BIRC6: variants seen among roughly 807,000 people sequenced by gnomAD.
BIRC6 encodes the protein baculoviral IAP repeat containing 6.
Under a neutral mutation model 503.3 loss-of-function variants are expected in BIRC6, and 98 were observed. That is an observed-to-expected ratio of 0.19 (90% CI 0.17 to 0.23). The LOEUF is 0.23. Among genes scored for constraint, BIRC6 ranks in the 10% least tolerant of loss-of-function variants. The pLI is 1.00. For synonymous variants in BIRC6, 2,240 were observed against 2,078.7 expected, an observed-to-expected ratio of 1.08 and a Z score of -2.11; for missense variants, 5,360 against 5,806.0, an observed-to-expected ratio of 0.92 and a Z score of 2.50.
chr2:32,581,286 C>G (rs1199446936), intron 66 of BIRC6, among the ~76,000 whole-genome samples: 4 of 152,112 alleles, frequency 2.6e-5, no homozygotes, highest in African/African-American at 9.7e-5. Context: ...TGTGTCCTAT[C>G]TACCCAAATC....
chr2:32,375,095 G>C (rs1426438901), intron 1 of BIRC6, among the ~76,000 whole-genome samples: 1 of 152,080 alleles, frequency 6.6e-6, no homozygotes, highest in African/African-American at 2.4e-5. Flanking sequence ...GTATGTTTTA[G>C]AGCTATTGTA....
At chr2:32,598,670 C>T (rs1031845493) in intron 69 of BIRC6, among the ~76,000 whole-genome samples, 1 of 152,132 alleles carries the variant, frequency 6.6e-6, no homozygotes, top group African/African-American at 2.4e-5. Context: ...ATTCTGTCTT[C>T]CATAGATACG....
chr2:32,543,200 A>C, intron 61 of BIRC6, 41 bp from the exon 62 acceptor site: 5 of 1,574,100 alleles, frequency 3.2e-6, no homozygotes, highest in Non-Finnish European at 3.5e-6. Flanking sequence ...TCTGATGTTG[A>C]AAATGTGAAT....
In BIRC6 at chr2:32,611,513, G is replaced by A. The variant is rs773960842; in HGVS notation, c.14325G>A (p.Ala4775=). 2.1e-5 allele frequency: 34 copies of A among 1,610,728 alleles called. No homozygotes were observed. Among genetic ancestry groups the A allele is most frequent in the Non-Finnish European group, 2.5e-5 (30 of 1,178,088 alleles). Reference sequence around the variant, plus strand: ...TGGCCCAATGTGAGGAGTGGATTGCGGATATCCAGCAGTACAGCAGTGATA... The same window carrying A: ...TGGCCCAATGTGAGGAGTGGATTGCAGATATCCAGCAGTACAGCAGTGATA... ...EIMAQCEEWI[A]DIQQYSSDKR... Residue 4775 remains alanine (A), a synonymous_variant, in exon 73 of 74, where the codon GCG becomes GCA. Transcript: ENST00000421745.
At chr2:32,377,880 T>TA (rs1435651707) in intron 2 of BIRC6, 111 bp downstream of exon 2, 11 of 895,978 alleles carry the variant, frequency 1.2e-5, no homozygotes, top group Non-Finnish European at 1.8e-5. Context: ...TATATTGCTA[T>TA]AAAAACAATT....
In BIRC6 at chr2:32,515,613, T is replaced by C. The variant is rs371074328; in HGVS notation, c.11192T>C (p.Leu3731Ser). Residue 3731 changes from leucine (L) to serine (S), a missense_variant, in exon 55 of 74, where the codon TTA becomes TCA. Around this residue, in one of 16 missense-constraint regions of BIRC6, gnomAD observed 878 missense variants for 928.9 expected, o/e 0.95. Transcript: ENST00000421745. Reference sequence around the variant, plus strand: ...GGGTCCACTTCTGGAAGCCATAATTTAGGTGCACAACAGACCAGTGCAAGA... The same window carrying C: ...GGGTCCACTTCTGGAAGCCATAATTCAGGTGCACAACAGACCAGTGCAAGA... ...HSGSTSGSHN[L>S]GAQQTSARSA... 5 of 1,613,526 alleles carry C rather than the reference T, an allele frequency of 3.1e-6. No individual in the cohort carries two copies. The highest frequency in any genetic ancestry group is 4.2e-6 in the Non-Finnish European group (5 of 1,179,890).
intron 72 of BIRC6, among the ~76,000 whole-genome samples, chr2:32,609,266 G>A (rs1157839587): frequency 6.9e-6 from 1 of 145,654 alleles, no homozygotes; most frequent in African/African-American, 2.5e-5. Flanking sequence ...TTTTTTTCAC[G>A]TCATCCTGAA....
chr2:32,376,731 TTTC>T (rs1354524092), intron 1 of BIRC6, among the ~76,000 whole-genome samples: 2 of 152,210 alleles, frequency 1.3e-5, no homozygotes, highest in African/African-American at 2.4e-5. Context: ...TTAGCTGGGT[TTTC>T]TTCTTATGCA....
intron 16 of BIRC6, among the ~76,000 whole-genome samples, chr2:32,440,375 G>T (rs980678985): frequency 6.6e-6 from 1 of 152,166 alleles, no homozygotes; most frequent in Non-Finnish European, 1.5e-5. Context: ...AGAAAGAGAA[G>T]TTGGGGCGTA....
chr2:32,532,168 T>TGTGTGTGTGTGTGTGG (rs747473373), intron 61 of BIRC6: 15 of 531,664 alleles, frequency 2.8e-5, no homozygotes, highest in Non-Finnish European at 5.8e-5. Context: ...TGTGTGTGTG[T>TGTGTGTGTGTGTGTGG]GTGGTTATTT....
intron 9 of BIRC6, 144 bp from the exon 10 acceptor site, chr2:32,414,625 C>G: frequency 1.8e-6 from 1 of 567,120 alleles, no homozygotes. Flanking sequence ...CGAAATTGCA[C>G]CACTGCACTC....
At chr2:32,376,408 T>G (rs1409201419) in intron 1 of BIRC6, among the ~76,000 whole-genome samples, 2 of 152,192 alleles carry the variant, frequency 1.3e-5, no homozygotes, top group East Asian at 1.9e-4. Context: ...ATACTGTATT[T>G]TTTACATTTG....
intron 8 of BIRC6, among the ~76,000 whole-genome samples, chr2:32,402,989 A>T (rs1356965243): frequency 1.3e-5 from 2 of 152,228 alleles, no homozygotes; most frequent in East Asian, 1.9e-4. Flanking sequence ...TCTCAACATT[A>T]TATGGGGTAA....
chr2:32,558,701 C>T (rs2058951323), intron 65 of BIRC6: 1 of 152,128 alleles, frequency 6.6e-6, no homozygotes, highest in East Asian at 1.9e-4. Context: ...TTGCTTTAGT[C>T]CACAATAGTG....
intron 66 of BIRC6, among the ~76,000 whole-genome samples, chr2:32,586,267 TAAAAA>T (rs60753270): frequency 6.6e-6 from 1 of 150,636 alleles, no homozygotes; most frequent in African/African-American, 2.4e-5. Flanking sequence ...AAAAACAACT[TAAAAA>T]AAAATTATAA....
intron 38 of BIRC6, among the ~76,000 whole-genome samples, chr2:32,481,802 G>GTTTTCA (rs1426208910): frequency 6.6e-6 from 1 of 151,902 alleles, no homozygotes; most frequent in African/African-American, 2.4e-5. Flanking sequence ...TGAAAGGGAA[G>GTTTTCA]TTTTCAGTCT....
Position 32,439,578 on chromosome 2 carries a change from G to T in BIRC6, c.3702G>T (p.Glu1234Asp). Reference sequence around the variant, plus strand: ...CAGTGAATGAAAGAGGAACAGAAGAGATTTGTAATGGTGGTATGCGTCCTG... The same window carrying T: ...CAGTGAATGAAAGAGGAACAGAAGATATTTGTAATGGTGGTATGCGTCCTG... ...VKAVNERGTE[E>D]ICNGGMRPVV... Residue 1234 changes from glutamate to aspartate, a missense_variant, in exon 16 of 74, where the codon GAG (glutamate) becomes GAT (aspartate). Physicochemically the swap from Glu to Asp is conservative, Grantham distance 45 (BLOSUM62 2). This residue lies in a region of BIRC6 where 2,299 missense variants were observed against 2,267.2 expected (regional missense o/e 1.01). Transcript: ENST00000421745. 6.2e-7 allele frequency: 1 copy of T among 1,613,910 alleles called. No homozygotes were observed. The highest frequency in any genetic ancestry group is 8.5e-7 in the Non-Finnish European group (1 of 1,179,828).
In BIRC6 at chr2:32,357,159, C is replaced by T; in HGVS notation, c.-3C>T. The T allele has an allele frequency of 6.6e-7, 1 of 1,506,628 alleles. No homozygotes were observed. Among genetic ancestry groups the T allele is most frequent in the South Asian group, 1.3e-5 (1 of 78,810 alleles). The allele number at this position is 1,506,628 out of a possible 1,614,324, so 93.3% of individuals were successfully genotyped here. A position where few individuals can be genotyped will look rare whatever the true frequency, so the allele number is the denominator to read the frequency against. ...ACGCGCTCGGCTTGCCCCCTGGCCC[C>T]GGATGGTGACTGGTGGTGGTGCTGC... is the stretch of plus-strand genomic sequence containing the variant. On this transcript the variant is annotated 5_prime_UTR_variant, in exon 1 of 74. Transcript: ENST00000421745. This position sits in a 1 kb window ranked among gnomAD's most constrained non-coding sequence, Gnocchi z 4.9.
At chr2:32,524,480 T>G (rs1005426074) in intron 57 of BIRC6, among the ~76,000 whole-genome samples, 1 of 152,200 alleles carries the variant, frequency 6.6e-6, no homozygotes, top group African/African-American at 2.4e-5. Flanking sequence ...ATCAGTAGCC[T>G]TTCTAAGGCT....
Sources: gnomAD v4.1 joint callset for allele counts (sites outside exome capture counted in the v4.1 genomes callset) on GRCh38, gnomAD v4.1.1 for gene constraint, gnomAD v4.1.1 regional missense constraint, Gnocchi (gnomAD v3.1) non-coding constraint, MANE v1.5 for transcripts, NCBI Gene and HGNC (gene_info 2026-07-23, HGNC 2026-07-21) for gene names.